Variants in CYLD observed in about 807,000 individuals in gnomAD.
CYLD encodes ubiquitin carboxyl-terminal hydrolase CYLD.
Under a neutral mutation model 104.5 loss-of-function variants are expected in CYLD, and 26 were observed. That is an observed-to-expected ratio of 0.25 (90% CI 0.18 to 0.35). The LOEUF (loss-of-function observed/expected upper bound fraction) is 0.35. Ranked by LOEUF, CYLD falls within the 10% of genes least tolerant of loss-of-function variation. CYLD has a pLI of 1.00. For synonymous variants in CYLD, 385 were observed against 399.9 expected (o/e 0.96, Z 0.45); for missense variants, 703 against 1,136.1 (o/e 0.62, Z 5.48).
chr16:50,774,317 TCTC>T (rs1201132175), intron 5 of CYLD, among the ~76,000 whole-genome samples: 1 of 152,136 alleles, frequency 6.6e-6, no homozygotes, highest in Non-Finnish European at 1.5e-5. Context: ...AGAACAGTGG[TCTC>T]CTCTTTCATC....
intron 5 of CYLD, among the ~76,000 whole-genome samples, chr16:50,770,077 A>C (rs1259797951): frequency 6.6e-6 from 1 of 152,014 alleles, no homozygotes; most frequent in Non-Finnish European, 1.5e-5. Flanking sequence ...GTTTGTTTCC[A>C]GTTTTTGGCT....
In CYLD at chr16:50,800,189, TA is replaced by T. The variant is rs766099276; in HGVS notation, c.*3682del. On this transcript the variant is annotated 3_prime_UTR_variant, in exon 19 of 19. Coordinates refer to ENST00000427738, the MANE Select transcript of CYLD (RefSeq NM_001378743.1). ...ATGAGAGGGTTAGACTACTGAATTG[TA>T]TGGGAAAAAAATACAAATTCCTGGG... 5 of 232,792 alleles carry T rather than the reference TA, an allele frequency of 2.1e-5. No homozygotes were observed. Among genetic ancestry groups the T allele is most frequent in the Non-Finnish European group, 4.2e-5 (5 of 117,880 alleles). The allele number at this position is 232,792 out of a possible 1,614,324, so 14.4% of individuals were successfully genotyped here.
At chr16:50,758,573 G>T (rs897684208) in intron 5 of CYLD, among the ~76,000 whole-genome samples, 4 of 152,198 alleles carry the variant, frequency 2.6e-5, no homozygotes, top group East Asian at 1.9e-4. Flanking sequence ...AGTTATCCAC[G>T]TGAGAGACGG....
At chr16:50,781,609 G>T (rs781448974) in intron 10 of CYLD, among the ~76,000 whole-genome samples, 198 bp downstream of exon 10, 1 of 152,178 alleles carries the variant, frequency 6.6e-6, no homozygotes, top group Non-Finnish European at 1.5e-5. Context: ...GTATTAGGAC[G>T]TGCGTTTGGG....
chr16:50,792,148 G>T (rs1201334437), intron 15 of CYLD, among the ~76,000 whole-genome samples: 1 of 152,048 alleles, frequency 6.6e-6, no homozygotes, highest in Non-Finnish European at 1.5e-5. Context: ...AATTTTAATA[G>T]TATATGCTTG....
intron 14 of CYLD, among the ~76,000 whole-genome samples, 176 bp from the exon 15 acceptor site, chr16:50,791,382 G>C (rs1971417255): frequency 6.6e-6 from 1 of 152,204 alleles, no homozygotes. Flanking sequence ...TTGTGCCTGA[G>C]CACATTTAAT....
intron 14 of CYLD, among the ~76,000 whole-genome samples, chr16:50,789,036 C>T (rs1294673855): frequency 6.6e-6 from 1 of 152,088 alleles, no homozygotes; most frequent in East Asian, 1.9e-4. Flanking sequence ...TTAGAGTTCT[C>T]TACAAAATGA....
chr16:50,787,117 A>G, intron 13 of CYLD, 171 bp downstream of exon 13: 1 of 640,040 alleles, frequency 1.6e-6, no homozygotes, highest in Non-Finnish European at 2.8e-6. Flanking sequence ...CCTCTCTTCT[A>G]AAAGTGATTG....
At chr16:50,752,153 A>T (rs1966685047) in intron 4 of CYLD, among the ~76,000 whole-genome samples, 1 of 151,688 alleles carries the variant, frequency 6.6e-6, no homozygotes, top group Non-Finnish European at 1.5e-5. Flanking sequence ...GGAGCATTGA[A>T]ATAGAACAGG....
rs143172349 is a variant in CYLD at position 50,769,466 on chromosome 16, T to C, written c.914-5700T>C. On this transcript the variant is annotated intron_variant, in intron 5 of 18. Coordinates refer to ENST00000427738, the MANE Select transcript of CYLD (RefSeq NM_001378743.1). ...TCCATGTGCATATTTGTCATCTGTA[T>C]ATCTTCTTTGGTTTAGTATCTGTGA... Among the ~76,000 whole-genome samples the C allele has an allele frequency of 7.9e-5, 12 of 152,350 alleles. No individual in the cohort carries two copies. The East Asian group carries it at 2.3e-3, about 29-fold the overall frequency.
At chr16:50,769,819 TA>T (rs778953342) in intron 5 of CYLD, among the ~76,000 whole-genome samples, 10 of 152,314 alleles carry the variant, frequency 6.6e-5, no homozygotes, top group Admixed American at 3.3e-4. Context: ...GCCCCATCCT[TA>T]ACCTCTGACA....
intron 8 of CYLD, 190 bp downstream of exon 8, chr16:50,778,131 G>A: frequency 1.9e-6 from 1 of 535,046 alleles, no homozygotes. Flanking sequence ...AAATGTTTAA[G>A]AAATGTATTA....
intron 5 of CYLD, among the ~76,000 whole-genome samples, chr16:50,760,680 A>G (rs1967805673): frequency 6.6e-6 from 1 of 152,140 alleles, no homozygotes; most frequent in South Asian, 2.1e-4. Flanking sequence ...TTCATAATTT[A>G]TTTAACCAGT....
chr16:50,752,688 C>T (rs1183659340), intron 4 of CYLD, among the ~76,000 whole-genome samples: 2 of 152,218 alleles, frequency 1.3e-5, no homozygotes, highest in African/African-American at 2.4e-5. Flanking sequence ...TCCCCAACCT[C>T]TGCTAACCAC....
In CYLD at chr16:50,796,555, G is replaced by A. The variant is rs116979331; in HGVS notation, c.*47G>A. On this transcript the variant is annotated 3_prime_UTR_variant, in exon 19 of 19. Transcript: ENST00000427738. ...AAGAAACTGAAGGCAGAGTCCTAAC[G>A]TTGCATCTTATTCGAGCTGGCAGTT... 4,687 of 1,585,016 alleles carry A rather than the reference G, an allele frequency of 3.0e-3. 11 individuals are homozygous for A. The highest frequency in any genetic ancestry group is 3.6e-3 in the Non-Finnish European group (4,216 of 1,160,594).
chr16:50,751,183 G>A (rs573382328), intron 3 of CYLD, among the ~76,000 whole-genome samples: 1 of 152,294 alleles, frequency 6.6e-6, no homozygotes, highest in African/African-American at 2.4e-5. Flanking sequence ...ATCCTTACCT[G>A]TACAATGGTG....
At chr16:50,746,317 C>T (rs1048338810) in intron 2 of CYLD, among the ~76,000 whole-genome samples, 4 of 152,154 alleles carry the variant, frequency 2.6e-5, no homozygotes, top group Admixed American at 6.5e-5. Context: ...GGATTACAGG[C>T]GTGAGTCACT....
rs1024845264 is a variant in CYLD at position 50,797,393 on chromosome 16, G to C, written c.*885G>C. ...AGAATTATTACAATTTCCTGGGAGA[G>C]ATGGATATTTAAACCTCTATTATTT... On this transcript the variant is annotated 3_prime_UTR_variant, in exon 19 of 19. Transcript: ENST00000427738. 1 of 232,286 alleles carries C rather than the reference G, an allele frequency of 4.3e-6. No individual in the cohort carries two copies. Among genetic ancestry groups the C allele is most frequent in the Non-Finnish European group, 8.5e-6 (1 of 117,502 alleles). 14.4% of individuals were successfully genotyped at this position (232,286 alleles called of 1,614,324 possible).
At chr16:50,766,837 T>G (rs1260152541) in intron 5 of CYLD, among the ~76,000 whole-genome samples, 1 of 152,176 alleles carries the variant, frequency 6.6e-6, no homozygotes, top group Non-Finnish European at 1.5e-5. Flanking sequence ...TATAATCTCA[T>G]GATCAAACTT....
Sources: allele counts gnomAD v4.1 joint callset (sites outside exome capture counted in the v4.1 genomes callset), GRCh38; gene constraint gnomAD v4.1.1; transcripts MANE v1.5; gene names NCBI Gene and HGNC (gene_info 2026-07-23, HGNC 2026-07-21).